UBE2E2: variants seen among roughly 807,000 people sequenced by gnomAD.
The protein encoded by UBE2E2 is ubiquitin conjugating enzyme E2 E2.
A neutral mutation model predicts 24.7 loss-of-function variants in UBE2E2; 6 were observed. That is an observed-to-expected ratio of 0.24 (90% CI 0.13 to 0.48). The LOEUF (loss-of-function observed/expected upper bound fraction) is 0.48, where lower values mean the gene tolerates loss of function less well. Ranked by LOEUF, UBE2E2 falls within the 20% of genes least tolerant of loss-of-function variation. The pLI, the probability that UBE2E2 is intolerant of heterozygous loss-of-function variation, is 0.99. For synonymous variants in UBE2E2, 104 were observed against 83.6 expected, an observed-to-expected ratio of 1.24 and a Z score of -1.33; for missense variants, 169 against 245.0, an observed-to-expected ratio of 0.69 and a Z score of 2.07.
intron 5 of UBE2E2, among the ~76,000 whole-genome samples, chr3:23,551,484 C>G (rs975586809): frequency 2.6e-5 from 4 of 152,204 alleles, no homozygotes; most frequent in Non-Finnish European, 5.9e-5. Context: ...ACTATTCAAA[C>G]TTGCTAGTAA....
intron 3 of UBE2E2, among the ~76,000 whole-genome samples, chr3:23,409,607 G>A (rs1233760539): frequency 6.6e-6 from 1 of 152,136 alleles, no homozygotes; most frequent in Admixed American, 6.6e-5. Flanking sequence ...TTACTGATGT[G>A]TGTTCTTCCT....
At chr3:23,248,526 G>A (rs1455745011) in intron 3 of UBE2E2, among the ~76,000 whole-genome samples, 7 of 152,186 alleles carry the variant, frequency 4.6e-5, no homozygotes, top group South Asian at 4.1e-4. Flanking sequence ...CATTAGAACC[G>A]CCTTTAGAAT....
chr3:23,371,477 C>T (rs1052884307), intron 3 of UBE2E2, among the ~76,000 whole-genome samples: 6 of 152,120 alleles, frequency 3.9e-5, no homozygotes, highest in Admixed American at 3.9e-4. Context: ...AGCATGTTTT[C>T]TACCAAGCGA....
intron 3 of UBE2E2, among the ~76,000 whole-genome samples, chr3:23,433,560 T>C (rs762471790): frequency 1.3e-5 from 2 of 152,060 alleles, no homozygotes; most frequent in Non-Finnish European, 2.9e-5. Flanking sequence ...TATGATCTGA[T>C]GATATCTTAT....
At chr3:23,567,818 T>C (rs1390242923) in intron 5 of UBE2E2, among the ~76,000 whole-genome samples, 1 of 152,232 alleles carries the variant, frequency 6.6e-6, no homozygotes, top group East Asian at 1.9e-4. Context: ...TGTGGTATCC[T>C]ATATCCTAGA....
Position 23,302,548 on chromosome 3 carries a change from C to G in UBE2E2, c.227+85236C>G, listed in dbSNP as rs189019470. On this transcript the variant is annotated intron_variant, in intron 3 of 5. Coordinates refer to ENST00000396703, the MANE Select transcript of UBE2E2 (RefSeq NM_152653.4). ...TCCTTTCTTTGAACTTCTGTTACAT[C>G]TAATGAGTGCTGAATAGCTTATCAT... 1.4e-3 allele frequency among the ~76,000 whole-genome samples: 218 copies of G among 152,308 alleles called. 1 individual carries two copies. Among genetic ancestry groups the G allele is most frequent in the Non-Finnish European group, 2.1e-3 (141 of 68,020 alleles).
intron 3 of UBE2E2, among the ~76,000 whole-genome samples, chr3:23,299,939 C>A (rs376469976): frequency 5.9e-5 from 9 of 151,970 alleles, no homozygotes; most frequent in Non-Finnish European, 1.0e-4. Context: ...GTAGGTCACT[C>A]AGGACTTGCT....
chr3:23,483,441 T>C (rs1699297184), intron 3 of UBE2E2, among the ~76,000 whole-genome samples: 1 of 152,234 alleles, frequency 6.6e-6, no homozygotes, highest in African/African-American at 2.4e-5. Flanking sequence ...CTTCACACGG[T>C]AAAAAGTGTT....
chr3:23,269,127 C>G (rs112983157), intron 3 of UBE2E2, among the ~76,000 whole-genome samples: 57,902 of 151,084 alleles, frequency 0.38, 11,776 homozygotes, highest in African/African-American at 0.52. Flanking sequence ...CATTACTGTT[C>G]AGGACATAGG....
At chr3:23,240,674 G>A (rs1490143748) in intron 3 of UBE2E2, among the ~76,000 whole-genome samples, 1 of 152,184 alleles carries the variant, frequency 6.6e-6, no homozygotes, top group Non-Finnish European at 1.5e-5. Flanking sequence ...ATTATACATT[G>A]AATATAGGGA....
chr3:23,509,960 CT>C (rs1454792730), intron 4 of UBE2E2, among the ~76,000 whole-genome samples: 1 of 152,096 alleles, frequency 6.6e-6, no homozygotes, highest in East Asian at 1.9e-4. Flanking sequence ...GCCACATTTT[CT>C]TAATCCAATC....
intron 3 of UBE2E2, among the ~76,000 whole-genome samples, chr3:23,297,026 T>C (rs1698930045): frequency 6.6e-6 from 1 of 152,224 alleles, no homozygotes; most frequent in African/African-American, 2.4e-5. Flanking sequence ...TGGTATCTCA[T>C]TGTGGTTTTG....
chr3:23,289,307 TTTTC>T (rs1447169324), intron 3 of UBE2E2, among the ~76,000 whole-genome samples: 1 of 152,250 alleles, frequency 6.6e-6, no homozygotes, highest in Non-Finnish European at 1.5e-5. Flanking sequence ...TCTGTTATGC[TTTTC>T]TTTCTAAGAG....
intron 3 of UBE2E2, among the ~76,000 whole-genome samples, chr3:23,468,726 G>C (rs1479638233): frequency 2.5e-4 from 38 of 152,138 alleles, no homozygotes; most frequent in Admixed American, 2.5e-3. Context: ...CAACAGACTT[G>C]GACTCTGAAG....
chr3:23,207,487 T>C (rs1559438612), intron 1 of UBE2E2, among the ~76,000 whole-genome samples: 2 of 152,200 alleles, frequency 1.3e-5, no homozygotes, highest in Non-Finnish European at 2.9e-5. Context: ...CTTTAGTATA[T>C]AGCTGAATGC....
intron 3 of UBE2E2, among the ~76,000 whole-genome samples, chr3:23,386,875 G>T (rs1019293482): frequency 4.6e-5 from 7 of 152,162 alleles, no homozygotes; most frequent in Non-Finnish European, 7.4e-5. Context: ...GTGACCTGTT[G>T]TCAGAACCCA....
intron 5 of UBE2E2, among the ~76,000 whole-genome samples, chr3:23,561,097 C>A (rs941946538): frequency 2.6e-5 from 4 of 152,116 alleles, no homozygotes; most frequent in South Asian, 2.1e-4. Context: ...TCAATTTTGG[C>A]TTTTGTTGCC....
chr3:23,556,300 G>C (rs1695780142), intron 5 of UBE2E2, among the ~76,000 whole-genome samples: 3 of 150,556 alleles, frequency 2.0e-5, no homozygotes, highest in African/African-American at 7.3e-5. Context: ...GTGTGCCACT[G>C]TGCCCAGCTA....
chr3:23,303,754 A>G (rs951552368), intron 3 of UBE2E2, among the ~76,000 whole-genome samples: 5 of 152,326 alleles, frequency 3.3e-5, no homozygotes, highest in African/African-American at 7.2e-5. Flanking sequence ...ACAAGTTACT[A>G]CAAGAGGTAG....
Sources: gnomAD v4.1 joint callset for allele counts (sites outside exome capture counted in the v4.1 genomes callset) on GRCh38, gnomAD v4.1.1 for gene constraint, MANE v1.5 for transcripts, NCBI Gene and HGNC (gene_info 2026-07-23, HGNC 2026-07-21) for gene names.